The following SCN11A variants were observed in gnomAD, a reference collection of about 807,000 sequenced individuals.
The protein encoded by SCN11A is sodium voltage-gated channel alpha subunit 11.
A neutral mutation model predicts 162.2 loss-of-function variants in SCN11A; 122 were observed. The observed-to-expected ratio is 0.75, with a 90% CI of 0.65 to 0.87. The LOEUF (loss-of-function observed/expected upper bound fraction) is 0.87. Among genes scored for constraint, SCN11A ranks in the 40% least tolerant of loss-of-function variants. The probability of loss-of-function intolerance (pLI) is 0.00; values close to 1 mark genes in which losing one functional copy is unlikely to be tolerated. For missense variants in SCN11A, 2,015 were observed against 2,181.6 expected (o/e 0.92, Z 1.52); for synonymous variants, 758 against 751.5 (o/e 1.01, Z -0.14).
chr3:39,041,307 C>T (rs1479954444), intron 1 of SCN11A, among the ~76,000 whole-genome samples: 1 of 152,060 alleles, frequency 6.6e-6, no homozygotes, highest in Non-Finnish European at 1.5e-5. Context: ...CACTGAAACC[C>T]TTCTAAGACT....
chr3:39,014,084 A>G (rs1190182464), intron 2 of SCN11A, among the ~76,000 whole-genome samples: 1 of 152,236 alleles, frequency 6.6e-6, no homozygotes, highest in African/African-American at 2.4e-5. Flanking sequence ...TTGTTTACAC[A>G]GTGAGGTGAC....
chr3:39,038,044 G>C (rs1326973402), intron 1 of SCN11A, among the ~76,000 whole-genome samples: 11 of 152,172 alleles, frequency 7.2e-5, no homozygotes, highest in African/African-American at 2.4e-4. Flanking sequence ...GATTGAAGAG[G>C]GTGATGGTAA....
At chr3:38,904,658 T>C (rs2065763552) in intron 15 of SCN11A, among the ~76,000 whole-genome samples, 2 of 152,046 alleles carry the variant, frequency 1.3e-5, no homozygotes. Flanking sequence ...GAGGACCTAT[T>C]TGACCCCCCT....
At chr3:38,995,003 C>A (rs2030574287) in intron 2 of SCN11A, among the ~76,000 whole-genome samples, 1 of 152,150 alleles carries the variant, frequency 6.6e-6, no homozygotes, top group Admixed American at 6.5e-5. Flanking sequence ...CCACCCTCCA[C>A]CCTCAAAGAT....
At chr3:38,983,482 G>A (rs1222709214) in intron 2 of SCN11A, among the ~76,000 whole-genome samples, 2 of 152,108 alleles carry the variant, frequency 1.3e-5, no homozygotes, top group African/African-American at 2.4e-5. Context: ...ACTTGAATGG[G>A]GAAAGAAAGT....
At chr3:39,005,858 T>C (rs530723869) in intron 2 of SCN11A, among the ~76,000 whole-genome samples, 1 of 152,248 alleles carries the variant, frequency 6.6e-6, no homozygotes, top group East Asian at 1.9e-4. Context: ...ACCTCTCGGA[T>C]TTGTTTTTTG....
intron 2 of SCN11A, among the ~76,000 whole-genome samples, chr3:38,989,856 A>C (rs1288189024): frequency 6.7e-6 from 1 of 148,908 alleles, no homozygotes; most frequent in Non-Finnish European, 1.5e-5. Flanking sequence ...TCCCCCGTCC[A>C]CCCCACCCCC....
rs757042737 is a variant in SCN11A at position 38,894,654 on chromosome 3, T to A, written c.2714A>T (p.Lys905Met). The A allele has an allele frequency of 6.2e-7, 1 of 1,614,178 alleles. No homozygotes were observed. Among genetic ancestry groups the A allele is most frequent in the Non-Finnish European group, 8.5e-7 (1 of 1,179,992 alleles). ...CCAATCATGCCTGACGCCCAGGGTC[T>A]TTGGTACAGAGGTTAGTATACCAAG... is the stretch of plus-strand genomic sequence containing the variant. ...EELGILTSVP[K>M]TLGVRHDWTW... Residue 905 changes from lysine to methionine, a missense_variant, in exon 19 of 30, where the codon AAG becomes ATG. Lys to Met is a moderately conservative substitution (Grantham distance 95). Coordinates refer to ENST00000302328, the MANE Select transcript of SCN11A (RefSeq NM_001349253.2).
At chr3:38,943,389 C>T (rs534852542) in intron 7 of SCN11A, among the ~76,000 whole-genome samples, 30 of 152,070 alleles carry the variant, frequency 2.0e-4, no homozygotes, top group South Asian at 1.2e-3. Context: ...GTCTATATAT[C>T]GATTGCAGTG....
Position 38,910,203 on chromosome 3 carries a change from A to C in SCN11A, c.964T>G (p.Cys322Gly). The change falls in exon 12 of 30, where the codon TGT becomes GGT. Residue 322 changes from cysteine to glycine, a missense_variant. Physicochemically the swap from Cys to Gly is radical, Grantham distance 159 (BLOSUM62 -3). Transcript: ENST00000302328. Reference sequence around the variant, plus strand: ...TGCTTACATTCATATTGTATGGAACAGGCACTAGATATTGGAAACAAACAG... The same window carrying C: ...TGCTTACATTCATATTGTATGGAACCGGCACTAGATATTGGAAACAAACAG... The part of the protein sequence containing the change: ...MCGIWMGNSA[C>G]SIQYECKHTK... 1 of 1,611,098 alleles carries C rather than the reference A, an allele frequency of 6.2e-7. No homozygotes were observed. The highest frequency in any genetic ancestry group is 1.1e-5 in the South Asian group (1 of 90,500).
At chr3:38,949,355 CT>C (rs2066565857) in intron 5 of SCN11A, among the ~76,000 whole-genome samples, 1 of 152,212 alleles carries the variant, frequency 6.6e-6, no homozygotes, top group Non-Finnish European at 1.5e-5. Context: ...TTCAAGAAAC[CT>C]TTACTAGAAT....
intron 26 of SCN11A, among the ~76,000 whole-genome samples, chr3:38,870,067 T>G (rs1450461727): frequency 1.2e-4 from 18 of 152,178 alleles, no homozygotes; most frequent in Non-Finnish European, 4.4e-5. Flanking sequence ...GAGCCAACCA[T>G]CTGCTTACTC....
chr3:39,028,429 C>T (rs60171956), intron 2 of SCN11A, among the ~76,000 whole-genome samples: 10,557 of 152,236 alleles, frequency 0.069, 1,173 homozygotes, highest in African/African-American at 0.23. Flanking sequence ...TCAATTGGCA[C>T]ATAGGATCCG....
At chr3:39,028,614 A>G (rs1260045651) in intron 2 of SCN11A, among the ~76,000 whole-genome samples, 1 of 152,214 alleles carries the variant, frequency 6.6e-6, no homozygotes, top group Non-Finnish European at 1.5e-5. Flanking sequence ...TTTGGCTCAC[A>G]GTTCTGGAGA....
chr3:38,914,049 T>C (rs548042149), intron 11 of SCN11A, among the ~76,000 whole-genome samples: 1 of 152,316 alleles, frequency 6.6e-6, no homozygotes, highest in Admixed American at 6.5e-5. Flanking sequence ...GGTAATTTCA[T>C]AGGAATAGCA....
Position 38,950,343 on chromosome 3 carries a change from G to A in SCN11A, c.20C>T (p.Pro7Leu). ...ATTCCGCTCATCTGGAAAGATTACTGGGTAGCATCTGTCATCCATCTTCAC... is the reference window on the plus strand; with the variant it reads ...ATTCCGCTCATCTGGAAAGATTACTAGGTAGCATCTGTCATCCATCTTCAC... MDDRCY[P>L]VIFPDERNFR... The change falls in exon 5 of 30, where the codon CCA (proline) becomes CTA (leucine). Residue 7 changes from proline to leucine, a missense_variant. Coordinates refer to ENST00000302328, the MANE Select transcript of SCN11A (RefSeq NM_001349253.2). The A allele has an allele frequency of 6.2e-7, 1 of 1,613,816 alleles. No individual in the cohort carries two copies. Among genetic ancestry groups the A allele is most frequent in the African/African-American group, 1.3e-5 (1 of 75,004 alleles).
chr3:39,034,100 T>C (rs140910945), intron 1 of SCN11A, among the ~76,000 whole-genome samples: 5,364 of 152,168 alleles, frequency 0.035, 304 homozygotes, highest in African/African-American at 0.12. Context: ...AGGCGGAGGT[T>C]GCAGTGAGCC....
intron 2 of SCN11A, among the ~76,000 whole-genome samples, chr3:38,970,548 T>A (rs1019734922): frequency 4.6e-5 from 7 of 152,228 alleles, no homozygotes; most frequent in Non-Finnish European, 8.8e-5. Context: ...AATTTTTTGG[T>A]TGAGGCCTGG....
At chr3:38,883,143 A>G (rs544513097) in intron 22 of SCN11A, 90 bp downstream of exon 22, 9 of 1,174,458 alleles carry the variant, frequency 7.7e-6, no homozygotes, top group Non-Finnish European at 1.1e-5. Flanking sequence ...CTGGTCTCCC[A>G]TATTCACAGT....
Sources: gnomAD v4.1 joint callset for allele counts (sites outside exome capture counted in the v4.1 genomes callset) on GRCh38, gnomAD v4.1.1 for gene constraint, MANE v1.5 for transcripts, NCBI Gene and HGNC (gene_info 2026-07-23, HGNC 2026-07-21) for gene names.